The following SLC30A8 variants were observed in gnomAD, a reference collection of about 807,000 sequenced individuals.
SLC30A8 encodes proton-coupled zinc antiporter SLC30A8.
In SLC30A8, 27 loss-of-function variants were observed where a neutral mutation model predicts 36.9. The observed-to-expected ratio is 0.73, with a 90% CI of 0.54 to 1.01. The LOEUF is 1.01. SLC30A8 is among the 50% of genes least tolerant of loss of function. The pLI, the probability that SLC30A8 is intolerant of heterozygous loss-of-function variation, is 0.00. For synonymous variants in SLC30A8, 164 were observed against 172.4 expected, an observed-to-expected ratio of 0.95 and a Z score of 0.38; for missense variants, 439 against 452.0, an observed-to-expected ratio of 0.97 and a Z score of 0.26.
chr8:117,165,404 T>C (rs979707819), intron 6 of SLC30A8, among the ~76,000 whole-genome samples: 1 of 152,226 alleles, frequency 6.6e-6, no homozygotes, highest in African/African-American at 2.4e-5. Flanking sequence ...CAGCAAGATA[T>C]TCTCAATTTT....
At chr8:117,051,055 A>G (rs1817691306) in intron 2 of SLC30A8, among the ~76,000 whole-genome samples, 1 of 152,244 alleles carries the variant, frequency 6.6e-6, no homozygotes, top group South Asian at 2.1e-4. Context: ...AAGAGTCTCA[A>G]AGTGGTCAGA....
In SLC30A8 at chr8:117,055,580, A is replaced by G. The variant is rs892321584; in HGVS notation, c.-226+16322A>G. Among the ~76,000 whole-genome samples, 8 of 152,368 alleles carry G rather than the reference A, an allele frequency of 5.3e-5. No individual in the cohort carries two copies. The East Asian group carries it at 1.2e-3, about 22-fold the overall frequency. On this transcript the variant is annotated intron_variant, in intron 2 of 10. Coordinates refer to the SLC30A8 transcript ENST00000427715. ...TACATTTCTTGTTGATATTTCTTCA[A>G]TGAGTATTTCTTTTTCTATATTCTG...
intron 1 of SLC30A8, among the ~76,000 whole-genome samples, chr8:117,009,684 CT>C (rs1156965759): frequency 1.3e-5 from 2 of 152,164 alleles, no homozygotes; most frequent in African/African-American, 4.8e-5. Context: ...TAAATTCAGG[CT>C]GTTTATCAAA....
chr8:117,022,311 T>C (rs1816724700), intron 1 of SLC30A8, among the ~76,000 whole-genome samples: 2 of 152,204 alleles, frequency 1.3e-5, no homozygotes, highest in South Asian at 2.1e-4. Context: ...CAGGGGAAGA[T>C]TGATGATTGA....
At chr8:117,166,307 AGGTACTTGATT>A (rs1334414672) in intron 6 of SLC30A8, among the ~76,000 whole-genome samples, 3 of 152,164 alleles carry the variant, frequency 2.0e-5, no homozygotes, top group African/African-American at 7.2e-5. Context: ...TGGAGACCTG[AGGTACTTGATT>A]ATATTTACAA....
rs554201560 is a variant in SLC30A8 at position 117,175,185 on chromosome 8, T to C, written c.*2504T>C. On this transcript the variant is annotated 3_prime_UTR_variant, in exon 8 of 8. Coordinates refer to ENST00000456015, the MANE Select transcript of SLC30A8 (RefSeq NM_173851.3). ...AACATGTAGGTTTGTTACATAGGTA[T>C]ACATGTGCCATGGTGGTTTGCTGCA... is the stretch of plus-strand genomic sequence containing the variant. 2.6e-5 allele frequency: 4 copies of C among 152,292 alleles called. No individual in the cohort carries two copies. The highest frequency in any genetic ancestry group is 2.6e-4 in the Admixed American group (4 of 15,292). 9.4% of individuals were successfully genotyped at this position (152,292 alleles called of 1,614,324 possible).
At chr8:116,987,215 A>G (rs923600029) in intron 1 of SLC30A8, among the ~76,000 whole-genome samples, 2 of 147,488 alleles carry the variant, frequency 1.4e-5, no homozygotes, top group African/African-American at 5.0e-5. Context: ...TTAAGGATGG[A>G]TGATTAAAAT....
At chr8:117,108,803 A>G (rs1820105661) in intron 2 of SLC30A8, among the ~76,000 whole-genome samples, 1 of 152,232 alleles carries the variant, frequency 6.6e-6, no homozygotes, top group East Asian at 1.9e-4. Context: ...AACAGGATCT[A>G]AAATGTTCTT....
intron 2 of SLC30A8, among the ~76,000 whole-genome samples, chr8:117,100,855 G>A (rs1819684044): frequency 6.6e-6 from 1 of 152,092 alleles, no homozygotes; most frequent in South Asian, 2.1e-4. Flanking sequence ...ACCCAGAGCT[G>A]CCATTTTCTG....
At chr8:116,957,222 C>A (rs1814241717) in intron 1 of SLC30A8, among the ~76,000 whole-genome samples, 1 of 152,062 alleles carries the variant, frequency 6.6e-6, no homozygotes, top group South Asian at 2.1e-4. Context: ...ATGATAATTT[C>A]TTTCACATAG....
At chr8:117,050,220 G>A (rs886501694) in intron 2 of SLC30A8, among the ~76,000 whole-genome samples, 5 of 152,052 alleles carry the variant, frequency 3.3e-5, no homozygotes, top group African/African-American at 9.7e-5. Flanking sequence ...CACGTCTAGT[G>A]TGTTCATCAT....
chr8:116,997,913 C>T (rs1403156302), intron 1 of SLC30A8, among the ~76,000 whole-genome samples: 3 of 152,050 alleles, frequency 2.0e-5, no homozygotes, highest in Non-Finnish European at 4.4e-5. Context: ...ATGAGACAGG[C>T]ACATGGAAAC....
intron 2 of SLC30A8, among the ~76,000 whole-genome samples, chr8:117,093,439 A>G (rs532341612): frequency 5.3e-5 from 8 of 151,752 alleles, no homozygotes; most frequent in Non-Finnish European, 1.2e-4. Context: ...TCTTCTAAGT[A>G]TTTCTCTCCC....
Position 116,959,928 on chromosome 8 carries a change from A to G in SLC30A8, c.-266+8809A>G, listed in dbSNP as rs948830460. On this transcript the variant is annotated intron_variant, in intron 1 of 10. Coordinates refer to the SLC30A8 transcript ENST00000427715. Reference sequence around the variant, plus strand: ...CTGAAGATCTTGAGTCTCTTTCCTCACCTTTCTGTCCTGCAATCTTTAGCT... The same window carrying G: ...CTGAAGATCTTGAGTCTCTTTCCTCGCCTTTCTGTCCTGCAATCTTTAGCT... 4.0e-4 allele frequency among the ~76,000 whole-genome samples: 61 copies of G among 152,072 alleles called. 2 individuals carry two copies.
intron 2 of SLC30A8, among the ~76,000 whole-genome samples, chr8:117,112,234 C>T (rs557041222): frequency 6.6e-6 from 1 of 152,176 alleles, no homozygotes; most frequent in East Asian, 1.9e-4. Flanking sequence ...GTCTTGTGCT[C>T]CAGACCTTGA....
At chr8:117,079,253 G>T (rs1292838913) in intron 2 of SLC30A8, among the ~76,000 whole-genome samples, 1 of 152,036 alleles carries the variant, frequency 6.6e-6, no homozygotes, top group Non-Finnish European at 1.5e-5. Context: ...CAGGTGATCT[G>T]CCTGTCTCGG....
chr8:116,979,371 A>G (rs7826859), intron 1 of SLC30A8, among the ~76,000 whole-genome samples: 12,793 of 152,216 alleles, frequency 0.084, 1,792 homozygotes, highest in African/African-American at 0.29. Context: ...ACATAAATGC[A>G]TAAAGCAGAG....
chr8:117,114,474 A>G (rs951984795), intron 2 of SLC30A8, among the ~76,000 whole-genome samples: 3 of 152,152 alleles, frequency 2.0e-5, no homozygotes, highest in Admixed American at 2.0e-4. Context: ...TTCTTACAGA[A>G]CACTTAAGCC....
chr8:116,974,077 A>G (rs1269300284), intron 1 of SLC30A8, among the ~76,000 whole-genome samples: 1 of 152,238 alleles, frequency 6.6e-6, no homozygotes, highest in African/African-American at 2.4e-5. Flanking sequence ...ACCTAAAACC[A>G]TAAAAACCCT....
Sources: gnomAD v4.1 joint callset for allele counts (sites outside exome capture counted in the v4.1 genomes callset) on GRCh38, gnomAD v4.1.1 for gene constraint, MANE v1.5 for transcripts, NCBI Gene and HGNC (gene_info 2026-07-23, HGNC 2026-07-21) for gene names.